The following CPNE8 variants were observed in gnomAD, a reference collection of about 807,000 sequenced individuals.
CPNE8 encodes the protein copine-8.
A neutral mutation model predicts 81.5 loss-of-function variants in CPNE8; 45 were observed. The ratio of observed to expected loss-of-function variants is 0.55; its 90% CI spans 0.44 to 0.71. CPNE8 has a LOEUF of 0.71. Ranked by LOEUF, CPNE8 falls within the 30% of genes least tolerant of loss-of-function variation. CPNE8 has a pLI of 0.00. For synonymous variants in CPNE8, 252 were observed against 226.3 expected (o/e 1.11, Z -1.02); for missense variants, 594 against 672.1 (o/e 0.88, Z 1.28).
chr12:38,885,524 G>A (rs207472840), intron 1 of CPNE8, among the ~76,000 whole-genome samples: 6 of 152,166 alleles, frequency 3.9e-5, no homozygotes, highest in Admixed American at 1.3e-4. Flanking sequence ...TGAAAATACA[G>A]ATATTTTATA....
At chr12:38,742,098 T>C (rs1183609285) in intron 10 of CPNE8, among the ~76,000 whole-genome samples, 2 of 152,224 alleles carry the variant, frequency 1.3e-5, no homozygotes, top group Non-Finnish European at 2.9e-5. Context: ...AGTCCAACCA[T>C]TGTGGAAATC....
At chr12:38,763,888 C>G (rs186936815) in intron 8 of CPNE8, among the ~76,000 whole-genome samples, 1 of 150,660 alleles carries the variant, frequency 6.6e-6, no homozygotes, top group Non-Finnish European at 1.5e-5. Flanking sequence ...ATGAAATATC[C>G]CCCCTTTGAT....
chr12:38,668,014 G>A (rs1939096766), intron 19 of CPNE8, among the ~76,000 whole-genome samples: 1 of 152,146 alleles, frequency 6.6e-6, no homozygotes, highest in South Asian at 2.1e-4. Context: ...GGCCAGGCGG[G>A]TCTTGAACTC....
intron 5 of CPNE8, among the ~76,000 whole-genome samples, chr12:38,838,816 G>T (rs1480533496): frequency 6.6e-6 from 1 of 151,908 alleles, no homozygotes; most frequent in Non-Finnish European, 1.5e-5. Flanking sequence ...CAATGAAGGG[G>T]GCAGCAGTAA....
intron 6 of CPNE8, among the ~76,000 whole-genome samples, chr12:38,796,593 G>A (rs997525497): frequency 3.9e-5 from 6 of 152,204 alleles, no homozygotes; most frequent in East Asian, 1.9e-4. Flanking sequence ...GAACAGCTCC[G>A]GTCTACAGCT....
intron 16 of CPNE8, among the ~76,000 whole-genome samples, chr12:38,682,162 A>G (rs1939424146): frequency 6.6e-6 from 1 of 150,432 alleles, no homozygotes; most frequent in African/African-American, 2.5e-5. Flanking sequence ...GGAGTTTGCA[A>G]TGAGCTGACA....
At chr12:38,901,640 G>A (rs567160531) in intron 1 of CPNE8, among the ~76,000 whole-genome samples, 4 of 152,268 alleles carry the variant, frequency 2.6e-5, no homozygotes, top group Admixed American at 1.3e-4. Flanking sequence ...GGTAGAAGAC[G>A]AAGGAGGTCA....
At chr12:38,869,908 T>A (rs1170369852) in intron 3 of CPNE8, among the ~76,000 whole-genome samples, 7 of 152,264 alleles carry the variant, frequency 4.6e-5, no homozygotes, top group Non-Finnish European at 1.0e-4. Context: ...TTTAATATTA[T>A]GCCATTTCTC....
At chr12:38,693,928 T>G in intron 14 of CPNE8, 90 bp from the exon 15 acceptor site, 1 of 1,056,498 alleles carries the variant, frequency 9.5e-7, no homozygotes, top group Non-Finnish European at 1.3e-6. Context: ...GAATGAAATA[T>G]TCAAAATTAT....
intron 6 of CPNE8, among the ~76,000 whole-genome samples, chr12:38,786,525 T>A (rs1942190989): frequency 6.6e-6 from 1 of 152,144 alleles, no homozygotes; most frequent in South Asian, 2.1e-4. Context: ...TTTTGGAACT[T>A]GGACTGGCTC....
intron 5 of CPNE8, among the ~76,000 whole-genome samples, chr12:38,830,617 G>A (rs908072468): frequency 4.6e-5 from 7 of 152,144 alleles, no homozygotes; most frequent in African/African-American, 1.2e-4. Flanking sequence ...TACTGAACAC[G>A]ACCAAGAAAA....
At chr12:38,816,364 C>A (rs1423294998) in intron 6 of CPNE8, among the ~76,000 whole-genome samples, 1 of 152,120 alleles carries the variant, frequency 6.6e-6, no homozygotes, top group Non-Finnish European at 1.5e-5. Context: ...AGTCTCTTTA[C>A]AATTGTTCTA....
intron 3 of CPNE8, among the ~76,000 whole-genome samples, chr12:38,869,772 G>A (rs2137099088): frequency 6.6e-6 from 1 of 151,936 alleles, no homozygotes; most frequent in South Asian, 2.1e-4. Context: ...ATAACTCTGG[G>A]TCCTATCTCA....
In CPNE8 at chr12:38,762,111, C is replaced by A. The variant is rs751314144; in HGVS notation, c.680+1G>T. On this transcript the variant is annotated splice_donor_variant, in intron 9 of 19. Coordinates refer to ENST00000331366, the MANE Select transcript of CPNE8 (RefSeq NM_153634.3). LOFTEE classifies it high-confidence loss of function. ...ATTTTTGAATAAACTATCCTTCTTA[C>A]CTGTCATAGTCTCCATTACATAATG... 2 of 1,398,822 alleles carry A rather than the reference C, an allele frequency of 1.4e-6. No individual in the cohort carries two copies. The highest frequency in any genetic ancestry group is 1.9e-6 in the Non-Finnish European group (2 of 1,037,166). 86.7% of individuals were successfully genotyped at this position (1,398,822 alleles called of 1,614,324 possible).
At chr12:38,809,785 GCTCTGTATATAAT>G (rs1290375063) in intron 6 of CPNE8, among the ~76,000 whole-genome samples, 1 of 152,124 alleles carries the variant, frequency 6.6e-6, no homozygotes, top group East Asian at 1.9e-4. Flanking sequence ...TATGGTTGGG[GCTCTGTATATAAT>G]CTATCATGGG....
chr12:38,731,741 A>G (rs2136767170), intron 10 of CPNE8, among the ~76,000 whole-genome samples: 1 of 152,062 alleles, frequency 6.6e-6, no homozygotes, highest in Non-Finnish European at 1.5e-5. Context: ...ACTCACTTTC[A>G]AGTTACCCAG....
chr12:38,694,269 T>G (rs1939745102), intron 14 of CPNE8, among the ~76,000 whole-genome samples: 1 of 152,150 alleles, frequency 6.6e-6, no homozygotes, highest in Non-Finnish European at 1.5e-5. Flanking sequence ...TTCCTATAAA[T>G]AACTGAATAT....
chr12:38,891,559 T>C (rs1282536144), intron 1 of CPNE8, among the ~76,000 whole-genome samples: 4 of 151,972 alleles, frequency 2.6e-5, no homozygotes, highest in Non-Finnish European at 1.5e-5. Flanking sequence ...GCAATTCTCC[T>C]GCCTCAGCCT....
At chr12:38,833,361 A>AG (rs1943323386) in intron 5 of CPNE8, among the ~76,000 whole-genome samples, 1 of 151,272 alleles carries the variant, frequency 6.6e-6, no homozygotes, top group Non-Finnish European at 1.5e-5. Context: ...CAAAAAAAAA[A>AG]AAAAAAAAAA....
Sources: gnomAD v4.1 joint callset for allele counts (sites outside exome capture counted in the v4.1 genomes callset) on GRCh38, gnomAD v4.1.1 for gene constraint, MANE v1.5 for transcripts, NCBI Gene and HGNC (gene_info 2026-07-23, HGNC 2026-07-21) for gene names.